Variants in FAM53C observed in about 807,000 individuals in gnomAD.
FAM53C encodes protein FAM53C.
In FAM53C, 10 loss-of-function variants were observed where a neutral mutation model predicts 34.7. The ratio of observed to expected loss-of-function variants is 0.29; its 90% CI spans 0.18 to 0.49. FAM53C has a LOEUF of 0.49. Ranked by LOEUF, FAM53C falls within the 20% of genes least tolerant of loss-of-function variation. The pLI is 0.99. For missense variants in FAM53C, 442 were observed against 515.3 expected, an observed-to-expected ratio of 0.86 and a Z score of 1.38; for synonymous variants, 203 against 203.6, an observed-to-expected ratio of 1.00 and a Z score of 0.03.
intron 3 of FAM53C, chr5:138,343,095 G>A (rs1014888532): frequency 1.3e-5 from 2 of 151,888 alleles, no homozygotes; most frequent in Non-Finnish European, 2.9e-5. Flanking sequence ...AGAATGCTGA[G>A]TATTCATTCC....
intron 1 of FAM53C, 24 bp from the exon 2 acceptor site, chr5:138,341,160 G>A: frequency 1.4e-6 from 1 of 727,616 alleles, no homozygotes; most frequent in Non-Finnish European, 2.6e-6. Flanking sequence ...AATATCACTT[G>A]GGGCTGGTCC....
upstream of FAM53C, chr5:138,337,906 G>T: frequency 8.1e-7 from 1 of 1,236,414 alleles, no homozygotes; most frequent in Non-Finnish European, 1.1e-6. Flanking sequence ...GTGGGAGGCT[G>T]CAGTTGGGCC....
At chr5:138,338,554 G>A (rs978690302) in intron 1 of FAM53C, among the ~76,000 whole-genome samples, 11 of 151,908 alleles carry the variant, frequency 7.2e-5, no homozygotes, top group Non-Finnish European at 1.5e-4. Flanking sequence ...AGTGGGAAGA[G>A]GCGAACGACA....
upstream of FAM53C, chr5:138,337,823 G>A (rs902318366): frequency 3.5e-5 from 17 of 488,998 alleles, no homozygotes; most frequent in Middle Eastern, 7.0e-4. Flanking sequence ...CTTCGAAGAG[G>A]TGGTCGTGGA....
intron 4 of FAM53C, 30 bp from the exon 5 acceptor site, chr5:138,346,672 G>T: frequency 2.5e-6 from 4 of 1,613,470 alleles, no homozygotes; most frequent in Non-Finnish European, 3.4e-6. Context: ...TTGCCTTCAG[G>T]TGTAACTGTC....
chr5:138,343,590 A>G (rs1761092528), intron 3 of FAM53C: 1 of 152,164 alleles, frequency 6.6e-6, no homozygotes, highest in South Asian at 2.1e-4. Flanking sequence ...GTGAAAATAT[A>G]TCTGAGGTAT....
At chr5:138,341,146 C>G (rs1478726181) in intron 1 of FAM53C, 38 bp from the exon 2 acceptor site, 1 of 704,806 alleles carries the variant, frequency 1.4e-6, no homozygotes, top group African/African-American at 1.7e-5. Context: ...CCAGGTGCAT[C>G]TCTAATATCA....
At position 138,341,429 on chromosome 5, in the gene FAM53C, T is replaced by A; in HGVS notation, c.78+16T>A. Reference sequence around the variant, plus strand: ...CATCAGTCTGGTAAAAGACCAGTCTTCCTGCTTCTCCACGACCCCCTCCCC... The same window carrying A: ...CATCAGTCTGGTAAAAGACCAGTCTACCTGCTTCTCCACGACCCCCTCCCC... On this transcript the variant is annotated intron_variant, in intron 2 of 4. Coordinates refer to ENST00000239906, the MANE Select transcript of FAM53C (RefSeq NM_016605.3). 1 of 1,607,912 alleles carries A rather than the reference T, an allele frequency of 6.2e-7. No homozygotes were observed. Among genetic ancestry groups the A allele is most frequent in the Non-Finnish European group, 8.5e-7 (1 of 1,174,572 alleles).
At position 138,341,170 on chromosome 5, in the gene FAM53C, C is replaced by T; in HGVS notation, c.-152-14C>T. 4.0e-6 allele frequency: 3 copies of T among 745,010 alleles called. No individual in the cohort carries two copies. Among genetic ancestry groups the T allele is most frequent in the Non-Finnish European group, 7.5e-6 (3 of 400,822 alleles). The allele number at this position is 745,010 out of a possible 1,614,324, so 46.1% of individuals were successfully genotyped here. A position where few individuals can be genotyped will look rare whatever the true frequency, so the allele number is the denominator to read the frequency against. On this transcript the variant is annotated splice_polypyrimidine_tract_variant and intron_variant, in intron 1 of 4. Coordinates refer to ENST00000239906, the MANE Select transcript of FAM53C (RefSeq NM_016605.3). ...TCTCTAATATCACTTGGGGCTGGTCCCTCTAATTGGCAGACTCAGCAGGCA... is the reference window on the plus strand; with the variant it reads ...TCTCTAATATCACTTGGGGCTGGTCTCTCTAATTGGCAGACTCAGCAGGCA...
At chr5:138,337,572 G>A (rs978883339), upstream of FAM53C, 5 of 206,280 alleles carry the variant, frequency 2.4e-5, no homozygotes, top group African/African-American at 7.2e-5. Flanking sequence ...GAGAAGAGAG[G>A]GAGTGAACAG....
rs1761263204 is a variant in FAM53C at position 138,349,420 on chromosome 5, T to C, written c.*2461T>C. The C allele has an allele frequency of 6.5e-6, 1 of 152,676 alleles. No homozygotes were observed. Among genetic ancestry groups the C allele is most frequent in the South Asian group, 2.1e-4 (1 of 4,836 alleles). 9.5% of individuals were successfully genotyped at this position (152,676 alleles called of 1,614,324 possible). A position where few individuals can be genotyped will look rare whatever the true frequency, so the allele number is the denominator to read the frequency against. The stretch of plus-strand genomic sequence containing the variant: ...GGTCAATGTCTGCATCTGTGCTGTG[T>C]GTGTAGTGTGGTTGGCCAGTAGGTG... On this transcript the variant is annotated 3_prime_UTR_variant, in exon 5 of 5. Coordinates refer to ENST00000239906, the MANE Select transcript of FAM53C (RefSeq NM_016605.3).
rs1449388491 is a variant in FAM53C at position 138,344,930 on chromosome 5, C to G, written c.242C>G (p.Pro81Arg). 2 of 1,614,004 alleles carry G rather than the reference C, an allele frequency of 1.2e-6. No homozygotes were observed. Among genetic ancestry groups the G allele is most frequent in the Non-Finnish European group, 8.5e-7 (1 of 1,180,012 alleles). Residue 81 changes from proline (P) to arginine (R), a missense_variant, in exon 4 of 5, where the codon CCC (proline) becomes CGC (arginine). Pro to Arg is a moderately radical substitution (Grantham distance 103). Transcript: ENST00000239906. The stretch of plus-strand genomic sequence containing the variant: ...GGCCTGAGCCTGCACCTCAGACCAC[C>G]CAGTCGGGGAAACTCCCCCAAGGAG... The part of the protein sequence containing the change: ...PSGLSLHLRP[P>R]SRGNSPKEQP...
In FAM53C at chr5:138,345,411, A is replaced by T; in HGVS notation, c.723A>T (p.Ala241=). The T allele has an allele frequency of 6.2e-7, 1 of 1,613,962 alleles. No individual in the cohort carries two copies. Among genetic ancestry groups the T allele is most frequent in the Non-Finnish European group, 8.5e-7 (1 of 1,180,026 alleles). The part of the protein sequence containing the change: ...FSLSPSLGPQ[A]SRFLPSARSS... The stretch of plus-strand genomic sequence containing the variant: ...TGTCACCCAGTCTGGGCCCGCAGGC[A>T]AGCCGCTTCTTGCCCTCTGCCCGGA... Residue 241 remains alanine, a synonymous_variant, in exon 4 of 5, where the codon GCA becomes GCT. Transcript: ENST00000239906. The surrounding 1 kb of genome is among the most constrained non-coding windows in gnomAD (Gnocchi z 6.3).
chr5:138,343,564 T>C, intron 3 of FAM53C: 1 of 151,860 alleles, frequency 6.6e-6, no homozygotes, highest in Non-Finnish European at 1.5e-5. Context: ...CTTGTACATA[T>C]GTCATTTTTT....
At chr5:138,338,025 A>C, upstream of FAM53C, 2 of 1,289,646 alleles carry the variant, frequency 1.6e-6, no homozygotes, top group East Asian at 1.1e-4. Flanking sequence ...ACTTTCTGCG[A>C]TATTTTGGAG....
chr5:138,345,497 G>T lies in FAM53C; in HGVS notation c.809G>T (p.Arg270Leu). The change falls in exon 4 of 5, where the codon CGA becomes CTA. Residue 270 changes from arginine (R) to leucine (L), a missense_variant. Coordinates refer to ENST00000239906, the MANE Select transcript of FAM53C (RefSeq NM_016605.3). This position sits in a 1 kb window ranked among gnomAD's most constrained non-coding sequence, Gnocchi z 6.3. ...CCTCGAGGTCTCCGCAACCTTCCCCGAAGCCGCTCACAGCCTTGTGATCTG... is the reference window on the plus strand; with the variant it reads ...CCTCGAGGTCTCCGCAACCTTCCCCTAAGCCGCTCACAGCCTTGTGATCTG... ...WRPRGLRNLP[R>L]SRSQPCDLDA... 1 of 1,614,050 alleles carries T rather than the reference G, an allele frequency of 6.2e-7. No homozygotes were observed. The highest frequency in any genetic ancestry group is 8.5e-7 in the Non-Finnish European group (1 of 1,180,040).
In FAM53C at chr5:138,347,945, C is replaced by T. The variant is rs1761227890; in HGVS notation, c.*986C>T. 6.6e-6 allele frequency: 1 copy of T among 152,394 alleles called. No homozygotes were observed. The highest frequency in any genetic ancestry group is 2.4e-5 in the African/African-American group (1 of 41,392). The allele number at this position is 152,394 out of a possible 1,614,324, so 9.4% of individuals were successfully genotyped here. ...CTAGGTAGGAAGGCCCTATATTGGT[C>T]CCCAGCATCTACTGAGGCAGACCTG... On this transcript the variant is annotated 3_prime_UTR_variant, in exon 5 of 5. Transcript: ENST00000239906.
Position 138,345,387 on chromosome 5 carries a change from G to A in FAM53C, c.699G>A (p.Leu233=). The part of the protein sequence containing the change: ...SPCPPQRRFS[L]SPSLGPQASR... ...GCCCACCTCAGCGCCGCTTCTCCCT[G>A]TCACCCAGTCTGGGCCCGCAGGCAA... is the stretch of plus-strand genomic sequence containing the variant. The change falls in exon 4 of 5, where the codon CTG becomes CTA. Residue 233 remains leucine, a synonymous_variant. Transcript: ENST00000239906. This position sits in a 1 kb window ranked among gnomAD's most constrained non-coding sequence, Gnocchi z 6.3. The A allele has an allele frequency of 6.2e-7, 1 of 1,614,056 alleles. No individual in the cohort carries two copies. The highest frequency in any genetic ancestry group is 1.3e-5 in the African/African-American group (1 of 75,040).
chr5:138,346,160 T>C (rs1761168731), intron 4 of FAM53C, among the ~76,000 whole-genome samples: 1 of 152,240 alleles, frequency 6.6e-6, no homozygotes, highest in Non-Finnish European at 1.5e-5. Context: ...ACAAACCTCT[T>C]TAAGAATTAA....
Sources: gnomAD v4.1 joint callset for allele counts (sites outside exome capture counted in the v4.1 genomes callset) on GRCh38, gnomAD v4.1.1 for gene constraint, Gnocchi (gnomAD v3.1) non-coding constraint, MANE v1.5 for transcripts, NCBI Gene and HGNC (gene_info 2026-07-23, HGNC 2026-07-21) for gene names.